The following FHIT variants were observed in gnomAD, a reference collection of about 807,000 sequenced individuals.
FHIT encodes fragile histidine triad diadenosine triphosphatase, also known as bis(5'-adenosyl)-triphosphatase.
A neutral mutation model predicts 17.9 loss-of-function variants in FHIT; 19 were observed. That is an observed-to-expected ratio of 1.06 (90% CI 0.74 to 1.56). The LOEUF (loss-of-function observed/expected upper bound fraction) is 1.56. Among genes scored for constraint, FHIT ranks in the 40% most tolerant of loss-of-function variants. FHIT has a pLI of 0.00. For synonymous variants in FHIT, 81 were observed against 69.7 expected (o/e 1.16, Z -0.81); for missense variants, 248 against 189.2 (o/e 1.31, Z -1.82).
intron 8 of FHIT, among the ~76,000 whole-genome samples, 191 bp downstream of exon 8, chr3:59,922,155 T>C (rs1297868403): frequency 6.6e-6 from 1 of 152,150 alleles, no homozygotes; most frequent in Admixed American, 6.5e-5. Context: ...AGAAAATCAT[T>C]ATAATTAATT....
intron 7 of FHIT, among the ~76,000 whole-genome samples, chr3:59,937,654 C>T (rs1706309351): frequency 6.6e-6 from 1 of 152,168 alleles, no homozygotes; most frequent in Non-Finnish European, 1.5e-5. Flanking sequence ...AAGTAATTTG[C>T]TCCTTGCTTT....
intron 3 of FHIT, among the ~76,000 whole-genome samples, chr3:60,881,940 CA>C: frequency 1.3e-5 from 2 of 152,012 alleles, no homozygotes; most frequent in South Asian, 4.2e-4. Flanking sequence ...CTAAAACTTA[CA>C]AAAGATCAAT....
chr3:60,715,863 T>C (rs2041670247), intron 4 of FHIT, among the ~76,000 whole-genome samples: 1 of 152,130 alleles, frequency 6.6e-6, no homozygotes, highest in Non-Finnish European at 1.5e-5. Context: ...AGTATTACAG[T>C]AATATAGTTT....
intron 8 of FHIT, among the ~76,000 whole-genome samples, chr3:59,762,578 T>G (rs72884801): frequency 0.026 from 4,027 of 152,224 alleles, 198 homozygotes; most frequent in African/African-American, 0.092. Flanking sequence ...TTGCTGTATG[T>G]CTAGTGCTCT....
chr3:60,680,560 A>AT (rs56306198), intron 4 of FHIT, among the ~76,000 whole-genome samples: 7,001 of 145,598 alleles, frequency 0.048, 309 homozygotes, highest in African/African-American at 0.12. Flanking sequence ...TTCATCATCT[A>AT]TTTTTTTTTT....
rs139240329 is a variant in FHIT at position 59,993,271 on chromosome 3, C to T, written c.279+18100G>A. Among the ~76,000 whole-genome samples, 307 of 152,102 alleles carry T rather than the reference C, an allele frequency of 2.0e-3. 2 individuals are homozygous for T. The highest frequency in any genetic ancestry group is 6.0e-3 in the African/African-American group (249 of 41,538). On this transcript the variant is annotated intron_variant, in intron 7 of 9. Transcript: ENST00000492590. ...TGCTCTTCCTACAGAATTGCAACCC[C>T]GGAAAGAGAGGTACTGAGTCTCACA... is the stretch of plus-strand genomic sequence containing the variant.
chr3:60,085,312 G>A (rs1215862153), intron 5 of FHIT, among the ~76,000 whole-genome samples: 9 of 152,080 alleles, frequency 5.9e-5, no homozygotes, highest in Admixed American at 2.6e-4. Context: ...GATTTTTTGA[G>A]GTCTAGGTTC....
At chr3:59,981,176 G>C (rs930306816) in intron 7 of FHIT, among the ~76,000 whole-genome samples, 4 of 152,106 alleles carry the variant, frequency 2.6e-5, no homozygotes, top group African/African-American at 7.2e-5. Flanking sequence ...AACCTTCTTA[G>C]AGCATCTCAT....
At chr3:59,809,101 G>A (rs539237154) in intron 8 of FHIT, among the ~76,000 whole-genome samples, 81 of 152,274 alleles carry the variant, frequency 5.3e-4, no homozygotes, top group Middle Eastern at 3.4e-3. Flanking sequence ...TACATAAATA[G>A]TTAAGGAACA....
chr3:60,284,925 A>G (rs916902717), intron 5 of FHIT, among the ~76,000 whole-genome samples: 1 of 152,134 alleles, frequency 6.6e-6, no homozygotes, highest in Non-Finnish European at 1.5e-5. Context: ...TGCTATATAC[A>G]TTTTGATTAT....
chr3:60,717,986 A>T (rs1258627451), intron 4 of FHIT, among the ~76,000 whole-genome samples: 1 of 152,200 alleles, frequency 6.6e-6, no homozygotes, highest in Admixed American at 6.5e-5. Flanking sequence ...AAAATAGCCA[A>T]TGTTTTTTAA....
chr3:60,391,348 T>A (rs979408348), intron 5 of FHIT, among the ~76,000 whole-genome samples: 1 of 152,180 alleles, frequency 6.6e-6, no homozygotes, highest in Non-Finnish European at 1.5e-5. Context: ...CCCAGGCTGG[T>A]CTTAAGCTCC....
At chr3:61,120,226 T>C (rs2036417453) in intron 2 of FHIT, among the ~76,000 whole-genome samples, 1 of 152,172 alleles carries the variant, frequency 6.6e-6, no homozygotes, top group African/African-American at 2.4e-5. Flanking sequence ...CTAAGGACTA[T>C]GATAAGGATT....
chr3:60,859,087 T>C (rs1467228424), intron 3 of FHIT, among the ~76,000 whole-genome samples: 1 of 152,176 alleles, frequency 6.6e-6, no homozygotes, highest in Non-Finnish European at 1.5e-5. Context: ...CATTCTGCAT[T>C]TGTGGTATTT....
chr3:59,878,323 A>G (rs369498480), intron 8 of FHIT, among the ~76,000 whole-genome samples: 128 of 152,308 alleles, frequency 8.4e-4, no homozygotes, highest in African/African-American at 2.9e-3. Context: ...AGTTCAGAAG[A>G]GAAATTCATA....
intron 4 of FHIT, among the ~76,000 whole-genome samples, chr3:60,808,357 G>C (rs1701467970): frequency 6.6e-6 from 1 of 151,810 alleles, no homozygotes; most frequent in South Asian, 2.1e-4. Flanking sequence ...TGATAATCTT[G>C]TCTATGAGAA....
chr3:59,939,559 T>C (rs956774851), intron 7 of FHIT, among the ~76,000 whole-genome samples: 1 of 152,186 alleles, frequency 6.6e-6, no homozygotes, highest in Admixed American at 6.5e-5. Context: ...TTTTAACCTT[T>C]GGAATTAACA....
At chr3:60,174,936 A>G (rs144951771) in intron 5 of FHIT, among the ~76,000 whole-genome samples, 113 of 152,312 alleles carry the variant, frequency 7.4e-4, no homozygotes, top group Middle Eastern at 6.8e-3. Context: ...AGCAGTTAAC[A>G]CAGTGCCTGG....
intron 8 of FHIT, among the ~76,000 whole-genome samples, chr3:59,844,389 T>C (rs1163043721): frequency 6.6e-6 from 1 of 152,162 alleles, no homozygotes; most frequent in African/African-American, 2.4e-5. Flanking sequence ...GAGGCAAATC[T>C]TTCAGTCTTT....
Sources: allele counts gnomAD v4.1 joint callset (sites outside exome capture counted in the v4.1 genomes callset), GRCh38; gene constraint gnomAD v4.1.1; transcripts MANE v1.5; gene names NCBI Gene and HGNC (gene_info 2026-07-23, HGNC 2026-07-21).